The following CHN2 variants were observed in gnomAD, a reference collection of about 807,000 sequenced individuals.
The protein encoded by CHN2 is beta-chimaerin.
Under a neutral mutation model 56.3 loss-of-function variants are expected in CHN2, and 35 were observed. The observed-to-expected ratio is 0.62, with a 90% CI of 0.47 to 0.82. The LOEUF (loss-of-function observed/expected upper bound fraction) is 0.82, where lower values mean the gene tolerates loss of function less well. CHN2 is among the 40% of genes least tolerant of loss of function. The pLI is 0.00. For missense variants in CHN2, 491 were observed against 580.5 expected (o/e 0.85, Z 1.58); for synonymous variants, 210 against 212.8 (o/e 0.99, Z 0.12).
chr7:29,209,526 A>T (rs187566748), intron 1 of CHN2, among the ~76,000 whole-genome samples: 11 of 152,340 alleles, frequency 7.2e-5, no homozygotes, highest in African/African-American at 2.6e-4. Flanking sequence ...TTATGAAAAA[A>T]ATATAAATCC....
intron 2 of CHN2, among the ~76,000 whole-genome samples, chr7:29,178,927 A>T (rs1797715275): frequency 6.6e-6 from 1 of 152,236 alleles, no homozygotes; most frequent in Non-Finnish European, 1.5e-5. Flanking sequence ...AAGAACACTA[A>T]CACACCATTT....
chr7:29,320,950 T>C (rs912085509), intron 1 of CHN2, among the ~76,000 whole-genome samples: 1 of 152,158 alleles, frequency 6.6e-6, no homozygotes, highest in African/African-American at 2.4e-5. Context: ...TAAAATGAGG[T>C]CCAATACTAG....
At chr7:29,409,252 T>A (rs2128095081) in intron 6 of CHN2, among the ~76,000 whole-genome samples, 1 of 152,288 alleles carries the variant, frequency 6.6e-6, no homozygotes, top group East Asian at 1.9e-4. Context: ...TCTATACTCT[T>A]TAAAGTTACT....
chr7:29,311,036 C>T (rs1236616792), intron 1 of CHN2, among the ~76,000 whole-genome samples: 2 of 152,184 alleles, frequency 1.3e-5, no homozygotes, highest in South Asian at 4.1e-4. Flanking sequence ...AGCCCCATAA[C>T]CTGCTTTTCT....
chr7:29,303,579 C>A (rs1262830818), intron 1 of CHN2, among the ~76,000 whole-genome samples: 3 of 152,244 alleles, frequency 2.0e-5, no homozygotes, highest in African/African-American at 7.2e-5. Flanking sequence ...GTAGGGACTC[C>A]CCGGTGTCTA....
At chr7:29,496,605 G>T (rs777433537) in intron 8 of CHN2, among the ~76,000 whole-genome samples, 4 of 151,908 alleles carry the variant, frequency 2.6e-5, no homozygotes, top group Non-Finnish European at 5.9e-5. Context: ...CCAGATTCCA[G>T]AGTTCATGCT....
At chr7:29,402,008 G>A (rs775059954) in intron 6 of CHN2, among the ~76,000 whole-genome samples, 24 of 149,364 alleles carry the variant, frequency 1.6e-4, no homozygotes, top group Non-Finnish European at 2.5e-4. Context: ...AGAAATAAGC[G>A]GATAGGAGCT....
intron 7 of CHN2, among the ~76,000 whole-genome samples, chr7:29,493,362 G>A (rs1664487334): frequency 6.6e-6 from 1 of 152,140 alleles, no homozygotes; most frequent in South Asian, 2.1e-4. Flanking sequence ...TTCTCAGAAT[G>A]TAGCTCCATC....
At chr7:29,221,742 G>A (rs1785812176) in intron 1 of CHN2, among the ~76,000 whole-genome samples, 1 of 152,180 alleles carries the variant, frequency 6.6e-6, no homozygotes. Context: ...TTCGTTTGCT[G>A]AGGAAAACAG....
intron 1 of CHN2, among the ~76,000 whole-genome samples, chr7:29,199,211 G>T (rs540177477): frequency 6.6e-6 from 1 of 152,188 alleles, no homozygotes; most frequent in African/African-American, 2.4e-5. Context: ...AACCAGTAAC[G>T]TAGATAAGTC....
At chr7:29,275,636 T>C (rs1340705537) in intron 1 of CHN2, among the ~76,000 whole-genome samples, 2 of 152,220 alleles carry the variant, frequency 1.3e-5, no homozygotes, top group South Asian at 2.1e-4. Context: ...TAATATACGG[T>C]CTCACTTCTC....
intron 1 of CHN2, among the ~76,000 whole-genome samples, chr7:29,310,786 A>G (rs1480710552): frequency 6.6e-6 from 1 of 152,170 alleles, no homozygotes; most frequent in Non-Finnish European, 1.5e-5. Flanking sequence ...AGTCTCTTCT[A>G]GATGGCACTA....
chr7:29,421,337 T>A (rs564153331), intron 6 of CHN2, among the ~76,000 whole-genome samples: 1 of 152,200 alleles, frequency 6.6e-6, no homozygotes, highest in Non-Finnish European at 1.5e-5. Flanking sequence ...TACCCCCCAT[T>A]TCCTGCCTTT....
rs115168638 is a variant in CHN2, at chr7:29,209,790, A to G, written c.49+14800A>G. ...TTGTTTTTAAAACAGAGATTCCTAC[A>G]AACGGTCAAGTCCAGTGGAATAAAT... On this transcript the variant is annotated intron_variant, in intron 1 of 12. Coordinates refer to ENST00000222792, the MANE Select transcript of CHN2 (RefSeq NM_004067.4). Among the ~76,000 whole-genome samples the G allele has an allele frequency of 4.5e-3, 689 of 152,330 alleles. 8 individuals carry two copies. The highest frequency in any genetic ancestry group is 0.016 in the African/African-American group (647 of 41,564).
intron 1 of CHN2, among the ~76,000 whole-genome samples, chr7:29,268,916 TA>T (rs139325090): frequency 6.6e-6 from 1 of 152,240 alleles, no homozygotes; most frequent in African/African-American, 2.4e-5. Context: ...CATTTTAATT[TA>T]AAAAAATGTT....
upstream of CHN2, chr7:29,193,462 G>A (rs1481087526): frequency 6.6e-6 from 1 of 152,106 alleles, no homozygotes; most frequent in East Asian, 1.9e-4. Flanking sequence ...ACCCCAATGT[G>A]AACACTTTCC....
intron 1 of CHN2, among the ~76,000 whole-genome samples, chr7:29,243,058 T>C (rs1562859509): frequency 6.6e-6 from 1 of 152,106 alleles, no homozygotes; most frequent in Non-Finnish European, 1.5e-5. Context: ...AATGGACATA[T>C]TTTGTGTTTT....
At chr7:29,377,101 C>A (rs998620113) in intron 3 of CHN2, among the ~76,000 whole-genome samples, 2 of 152,168 alleles carry the variant, frequency 1.3e-5, no homozygotes, top group African/African-American at 4.8e-5. Context: ...GATCTCGGCT[C>A]ACTGCAACTT....
chr7:29,389,852 GAGAC>G (rs1488131632), intron 3 of CHN2, among the ~76,000 whole-genome samples: 17 of 151,808 alleles, frequency 1.1e-4, no homozygotes, highest in Non-Finnish European at 2.4e-4. Flanking sequence ...TCAGGAGTTC[GAGAC>G]CAGCCTGGGC....
Sources: allele counts gnomAD v4.1 joint callset (sites outside exome capture counted in the v4.1 genomes callset), GRCh38; gene constraint gnomAD v4.1.1; transcripts MANE v1.5; gene names NCBI Gene and HGNC (gene_info 2026-07-23, HGNC 2026-07-21).